The following RSRC1 variants were observed in gnomAD, a reference collection of about 807,000 sequenced individuals.
The protein encoded by RSRC1 is serine/Arginine-related protein 53.
RSRC1 carries 39 observed loss-of-function variants against 49.1 expected under a neutral mutation model. The ratio of observed to expected loss-of-function variants is 0.79; its 90% CI spans 0.61 to 1.04. The LOEUF (loss-of-function observed/expected upper bound fraction) is 1.04. Among genes scored for constraint, RSRC1 ranks in the 50% least tolerant of loss-of-function variants. The probability of loss-of-function intolerance (pLI) is 0.00; values close to 1 mark genes in which losing one functional copy is unlikely to be tolerated. For missense variants in RSRC1, 388 were observed against 402.4 expected (o/e 0.96, Z 0.31); for synonymous variants, 143 against 130.8 (o/e 1.09, Z -0.63).
intron 4 of RSRC1, among the ~76,000 whole-genome samples, chr3:158,217,453 A>G (rs1722007541): frequency 6.6e-6 from 1 of 151,676 alleles, no homozygotes; most frequent in Non-Finnish European, 1.5e-5. Context: ...TTTGCTCACC[A>G]GTCTTCATTG....
intron 7 of RSRC1, among the ~76,000 whole-genome samples, chr3:158,523,263 A>G (rs1711804201): frequency 1.3e-5 from 2 of 152,024 alleles, no homozygotes; most frequent in African/African-American, 2.4e-5. Flanking sequence ...CTAAATCTCA[A>G]CATAAAGTAG....
At chr3:158,349,672 T>G (rs1316928421) in intron 5 of RSRC1, among the ~76,000 whole-genome samples, 3 of 151,234 alleles carry the variant, frequency 2.0e-5, no homozygotes, top group South Asian at 2.1e-4. Context: ...CACTAAAAGT[T>G]TACATTATTC....
At chr3:158,299,639 C>T (rs1301736352) in intron 5 of RSRC1, among the ~76,000 whole-genome samples, 1 of 151,912 alleles carries the variant, frequency 6.6e-6, no homozygotes, top group Non-Finnish European at 1.5e-5. Context: ...CCTGAGGTGT[C>T]TTTTATACTT....
In RSRC1 at chr3:158,395,054, G is replaced by A. The variant is rs145761308; in HGVS notation, c.583+40146G>A. The stretch of plus-strand genomic sequence containing the variant: ...CACCTACAACCACTCAATCTTTAAC[G>A]AAGTCAACAAAAGCAAGCAATGGGG... On this transcript the variant is annotated intron_variant, in intron 6 of 9. Coordinates refer to ENST00000611884, the MANE Select transcript of RSRC1 (RefSeq NM_001271838.2). Among the ~76,000 whole-genome samples, 512 of 151,940 alleles carry A rather than the reference G, an allele frequency of 3.4e-3. 1 individual carries two copies. Among genetic ancestry groups the A allele is most frequent in the Non-Finnish European group, 5.1e-3 (348 of 67,864 alleles).
chr3:158,340,230 C>A (rs1730151534), intron 5 of RSRC1, among the ~76,000 whole-genome samples: 1 of 152,106 alleles, frequency 6.6e-6, no homozygotes, highest in South Asian at 2.1e-4. Context: ...TCTGCTTTTG[C>A]TTCCTCCTCA....
chr3:158,473,976 T>A (rs1264895139), intron 7 of RSRC1, among the ~76,000 whole-genome samples: 1 of 152,206 alleles, frequency 6.6e-6, no homozygotes, highest in Non-Finnish European at 1.5e-5. Context: ...ATAGTTAATG[T>A]AAATTTACAG....
intron 7 of RSRC1, among the ~76,000 whole-genome samples, chr3:158,515,497 G>A (rs1290997347): frequency 7.3e-6 from 1 of 136,700 alleles, no homozygotes; most frequent in Non-Finnish European, 1.6e-5. Context: ...TCCCTTTGAG[G>A]GTAACCCGAC....
intron 6 of RSRC1, among the ~76,000 whole-genome samples, chr3:158,369,073 A>G (rs1578395853): frequency 6.6e-6 from 1 of 152,122 alleles, no homozygotes; most frequent in African/African-American, 2.4e-5. Context: ...TAACAAAAAT[A>G]TGATTCATGA....
At chr3:158,230,725 C>G (rs1379405454) in intron 4 of RSRC1, among the ~76,000 whole-genome samples, 2 of 152,036 alleles carry the variant, frequency 1.3e-5, no homozygotes, top group Non-Finnish European at 2.9e-5. Context: ...TATTCCTTTT[C>G]TCTTGCAGTA....
intron 5 of RSRC1, among the ~76,000 whole-genome samples, chr3:158,332,785 AT>A (rs36063625): frequency 7.3e-5 from 11 of 151,350 alleles, no homozygotes; most frequent in Admixed American, 3.3e-4. Context: ...ATTATTTTGA[AT>A]TTTTTTTTCC....
chr3:158,118,298 G>A (rs565075280), intron 1 of RSRC1, among the ~76,000 whole-genome samples: 199 of 151,950 alleles, frequency 1.3e-3, no homozygotes, highest in African/African-American at 4.7e-3. Flanking sequence ...TCACTCAGGC[G>A]GGAGTGCAGC....
At chr3:158,121,926 G>A (rs1029688696) in intron 1 of RSRC1, among the ~76,000 whole-genome samples, 177 bp from the exon 2 acceptor site, 6 of 152,120 alleles carry the variant, frequency 3.9e-5, no homozygotes, top group Non-Finnish European at 7.4e-5. Flanking sequence ...GATCGCTGGA[G>A]CCCAGGACTT....
chr3:158,419,099 C>A (rs913128849), intron 6 of RSRC1, among the ~76,000 whole-genome samples: 10 of 152,088 alleles, frequency 6.6e-5, no homozygotes, highest in African/African-American at 1.9e-4. Context: ...TATTTAGTCA[C>A]ATGAGTGTTA....
At chr3:158,399,195 C>T (rs1371216076) in intron 6 of RSRC1, among the ~76,000 whole-genome samples, 2 of 21,930 alleles carry the variant, frequency 9.1e-5, no homozygotes, top group Admixed American at 7.4e-4. Flanking sequence ...CGCTCTGTCG[C>T]CCAGGCTGGA....
At chr3:158,386,490 G>A (rs1255014057) in intron 6 of RSRC1, among the ~76,000 whole-genome samples, 3 of 151,970 alleles carry the variant, frequency 2.0e-5, no homozygotes, top group Non-Finnish European at 4.4e-5. Context: ...CTCTTTAATA[G>A]ACGAATATAG....
At chr3:158,445,885 G>T (rs1736682875) in intron 6 of RSRC1, among the ~76,000 whole-genome samples, 1 of 151,906 alleles carries the variant, frequency 6.6e-6, no homozygotes, top group Non-Finnish European at 1.5e-5. Flanking sequence ...AAATCACATT[G>T]GGATAAATAT....
intron 3 of RSRC1, among the ~76,000 whole-genome samples, chr3:158,183,785 A>G (rs918325528): frequency 6.6e-6 from 1 of 151,938 alleles, no homozygotes; most frequent in East Asian, 1.9e-4. Flanking sequence ...GCATGGTGGC[A>G]TGCACCTGTA....
rs267599665 is a variant in RSRC1, at chr3:158,123,921, C to T, written c.250C>T (p.Arg84Ter). The T allele has an allele frequency of 1.1e-5, 18 of 1,612,620 alleles. No homozygotes were observed. The highest frequency in any genetic ancestry group is 5.3e-5 in the African/African-American group (4 of 74,812). Residue 84 changes from arginine (R) to a stop codon, truncating the protein, a stop_gained, in exon 3 of 10, where the codon CGA (arginine) becomes TGA (stop). Coordinates refer to ENST00000611884, the MANE Select transcript of RSRC1 (RefSeq NM_001271838.2). LOFTEE classifies it high-confidence loss of function. The stretch of plus-strand genomic sequence containing the variant: ...TTATGGCTCCAGAAGGAAACGAAGT[C>T]GAAGTCGTTCAAGGGGTCGAGGGAA... ...SSYGSRRKRS[R>*]SRSRGRGKSY...
chr3:158,473,307 T>TA (rs748926381), intron 7 of RSRC1, among the ~76,000 whole-genome samples: 20 of 152,098 alleles, frequency 1.3e-4, no homozygotes, highest in Non-Finnish European at 2.5e-4. Flanking sequence ...ATGTGGCACA[T>TA]ATACACCATG....
Sources: gnomAD v4.1 joint callset for allele counts (sites outside exome capture counted in the v4.1 genomes callset) on GRCh38, gnomAD v4.1.1 for gene constraint, MANE v1.5 for transcripts, NCBI Gene and HGNC (gene_info 2026-07-23, HGNC 2026-07-21) for gene names.